CRACR2A: variants seen among roughly 807,000 people sequenced by gnomAD.
The protein encoded by CRACR2A is EF-hand calcium-binding domain-containing protein 4B.
Under a neutral mutation model 90.5 loss-of-function variants are expected in CRACR2A, and 79 were observed. That is an observed-to-expected ratio of 0.87 (90% CI 0.73 to 1.05). The LOEUF is 1.05. Among genes scored for constraint, CRACR2A ranks in the 50% least tolerant of loss-of-function variants. The pLI is 0.00. For missense variants in CRACR2A, 823 were observed against 897.2 expected (o/e 0.92, Z 1.06); for synonymous variants, 338 against 356.7 (o/e 0.95, Z 0.59).
At chr12:3,631,133 T>G (rs908460911) in intron 15 of CRACR2A, among the ~76,000 whole-genome samples, 5 of 152,178 alleles carry the variant, frequency 3.3e-5, no homozygotes, top group Non-Finnish European at 7.4e-5. Context: ...GAGCAGGGCC[T>G]GCAGTGTGGC....
intron 10 of CRACR2A, among the ~76,000 whole-genome samples, chr12:3,649,244 A>ATAAATAAATAAG (rs1944752603): frequency 6.7e-6 from 1 of 149,168 alleles, no homozygotes; most frequent in African/African-American, 2.5e-5. Flanking sequence ...AATAAGATAA[A>ATAAATAAATAAG]TAAATAAATA....
intron 11 of CRACR2A, chr12:3,648,229 T>C: frequency 8.1e-7 from 1 of 1,240,192 alleles, no homozygotes. Flanking sequence ...ATAGATTAAA[T>C]GCTCATTAAA....
chr12:3,628,197 CTT>C (rs1188134674), intron 15 of CRACR2A, among the ~76,000 whole-genome samples: 2 of 147,738 alleles, frequency 1.4e-5, no homozygotes, highest in African/African-American at 2.5e-5. Flanking sequence ...CTCTCTCTCT[CTT>C]TCTCTCTTCC....
At chr12:3,718,442 A>C (rs1946110248) in intron 2 of CRACR2A, among the ~76,000 whole-genome samples, 1 of 152,194 alleles carries the variant, frequency 6.6e-6, no homozygotes, top group Non-Finnish European at 1.5e-5. Context: ...GGGGGATGGC[A>C]GAGTCTTGAT....
chr12:3,679,969 C>T (rs242014), intron 5 of CRACR2A, among the ~76,000 whole-genome samples: 19,421 of 152,234 alleles, frequency 0.13, 1,550 homozygotes, highest in Middle Eastern at 0.19. Context: ...GCAGAGCTTC[C>T]GTCCATCTCC....
In CRACR2A at chr12:3,678,887, C is replaced by A. The variant is rs750485829; in HGVS notation, c.524+28G>T. 3.2e-6 allele frequency: 5 copies of A among 1,577,940 alleles called. No homozygotes were observed. The Admixed American group carries it at 5.5e-5, about 17-fold the overall frequency. ...AAGAGGTTCCTACCAGGCTGGTCTC[C>A]GTTCTACAAATCACTGTCACCACTT... On this transcript the variant is annotated intron_variant, in intron 6 of 19. Coordinates refer to ENST00000440314, the MANE Select transcript of CRACR2A (RefSeq NM_001144958.2).
At chr12:3,643,763 ACT>A (rs1944617764) in intron 12 of CRACR2A, among the ~76,000 whole-genome samples, 1 of 81,198 alleles carries the variant, frequency 1.2e-5, no homozygotes, top group Admixed American at 2.3e-4. Context: ...ATGCACACAG[ACT>A]ATATATATAT....
chr12:3,744,436 A>G (rs2137910333), intron 1 of CRACR2A, among the ~76,000 whole-genome samples: 1 of 152,314 alleles, frequency 6.6e-6, no homozygotes, highest in African/African-American at 2.4e-5. Flanking sequence ...GACTCTGTAC[A>G]ATGACACCCC....
intron 2 of CRACR2A, chr12:3,729,647 G>A (rs1204388763): frequency 1.3e-5 from 2 of 152,268 alleles, no homozygotes; most frequent in African/African-American, 2.4e-5. Context: ...AGGTTGCAGT[G>A]AGCCAAGATT....
chr12:3,721,969 C>T (rs1946185826), intron 2 of CRACR2A, among the ~76,000 whole-genome samples: 2 of 152,184 alleles, frequency 1.3e-5, no homozygotes, highest in African/African-American at 4.8e-5. Context: ...GCTAGAAAGC[C>T]TTGAATGTCA....
intron 17 of CRACR2A, among the ~76,000 whole-genome samples, chr12:3,625,148 A>G (rs1254553150): frequency 6.6e-6 from 1 of 152,222 alleles, no homozygotes; most frequent in Admixed American, 6.5e-5. Flanking sequence ...ACACATAAGC[A>G]ATTCTGATTT....
chr12:3,740,152 A>G (rs554091498), intron 1 of CRACR2A, among the ~76,000 whole-genome samples: 13 of 152,226 alleles, frequency 8.5e-5, no homozygotes, highest in African/African-American at 2.9e-4. Flanking sequence ...CTGGAGATCA[A>G]AAATGATCCC....
chr12:3,745,780 A>AAAAATAAAATAAAATAAAATAAAAT lies in CRACR2A; in HGVS notation c.-387+7210_-387+7234dup, dbSNP rs941357128. On this transcript the variant is annotated intron_variant, in intron 1 of 19. Coordinates refer to ENST00000440314, the MANE Select transcript of CRACR2A (RefSeq NM_001144958.2). ...GCAACAAGAACAAAACTTCGTCTCA[A>AAAAATAAAATAAAATAAAATAAAAT]AAAATAAAATAAAATAAAATAAAAT... 1.6e-4 allele frequency among the ~76,000 whole-genome samples: 17 copies of AAAAATAAAATAAAATAAAATAAAAT among 106,762 alleles called. 1 individual carries two copies. The highest frequency in any genetic ancestry group is 2.2e-4 in the Non-Finnish European group (12 of 54,638). 70.0% of individuals were successfully genotyped at this position (106,762 alleles called of 152,430 possible).
rs772176734 is a variant in CRACR2A at position 3,680,295 on chromosome 12, C to T, written c.283G>A (p.Ala95Thr). Residue 95 changes from alanine to threonine, a missense_variant, in exon 5 of 20, where the codon GCC becomes ACC. Physicochemically the swap from Ala to Thr is moderately conservative, Grantham distance 58. Transcript: ENST00000440314. ...TAGCCATTGCCATCAGCATCCAGGG[C>T]ATCAAACACATCCTCCAGTTCCTCC... ...SLEELEDVFD[A>T]LDADGNGYLT... is the part of the protein sequence containing the mutation. 3 of 1,614,212 alleles carry T rather than the reference C, an allele frequency of 1.9e-6. No individual in the cohort carries two copies. Among genetic ancestry groups the T allele is most frequent in the Admixed American group, 3.3e-5 (2 of 60,034 alleles).
At chr12:3,688,521 GCTCT>G (rs976168796) in intron 4 of CRACR2A, among the ~76,000 whole-genome samples, 8 of 152,042 alleles carry the variant, frequency 5.3e-5, no homozygotes, top group African/African-American at 1.7e-4. Context: ...TTATTTCTGG[GCTCT>G]CTATTCTGTT....
chr12:3,718,793 A>G (rs1039904820), intron 2 of CRACR2A, among the ~76,000 whole-genome samples: 1 of 152,226 alleles, frequency 6.6e-6, no homozygotes, highest in Non-Finnish European at 1.5e-5. Flanking sequence ...TGTAAGCTCC[A>G]TGAAGGCAGG....
chr12:3,745,617 T>C (rs570698290), intron 1 of CRACR2A, among the ~76,000 whole-genome samples: 1 of 151,402 alleles, frequency 6.6e-6, no homozygotes, highest in Non-Finnish European at 1.5e-5. Context: ...CTACTAAAAA[T>C]ACAAAAATTA....
intron 11 of CRACR2A, among the ~76,000 whole-genome samples, chr12:3,646,858 A>G (rs1376408138): frequency 2.0e-5 from 3 of 152,156 alleles, no homozygotes; most frequent in Non-Finnish European, 4.4e-5. Flanking sequence ...ATTTAAAGAA[A>G]CATATCTGCT....
chr12:3,713,000 A>G (rs145760123), intron 3 of CRACR2A, among the ~76,000 whole-genome samples: 50 of 151,962 alleles, frequency 3.3e-4, no homozygotes, highest in African/African-American at 1.1e-3. Flanking sequence ...GCCTCCCTTA[A>G]ATGAACTTAA....
Sources: gnomAD v4.1 joint callset for allele counts (sites outside exome capture counted in the v4.1 genomes callset) on GRCh38, gnomAD v4.1.1 for gene constraint, MANE v1.5 for transcripts, NCBI Gene and HGNC (gene_info 2026-07-23, HGNC 2026-07-21) for gene names.